The following CECR2 variants were observed in gnomAD, a reference collection of about 807,000 sequenced individuals.
CECR2 encodes the protein chromatin remodeling regulator CECR2.
In CECR2, 30 loss-of-function variants were observed where a neutral mutation model predicts 154.5. That is an observed-to-expected ratio of 0.19 (90% CI 0.15 to 0.26). The LOEUF (loss-of-function observed/expected upper bound fraction) is 0.26. CECR2 is among the 10% of genes least tolerant of loss of function. The probability of loss-of-function intolerance (pLI) is 1.00; values close to 1 mark genes in which losing one functional copy is unlikely to be tolerated. For missense variants in CECR2, 1,743 were observed against 1,829.3 expected (o/e 0.95, Z 0.86); for synonymous variants, 725 against 683.7 (o/e 1.06, Z -0.94).
chr22:17,457,653 A>C (rs1277863211), intron 1 of CECR2, among the ~76,000 whole-genome samples: 1 of 152,214 alleles, frequency 6.6e-6, no homozygotes, highest in Non-Finnish European at 1.5e-5. Flanking sequence ...CATATGACCC[A>C]GCGGTTACAC....
chr22:17,428,886 T>C (rs1401630796), intron 1 of CECR2, among the ~76,000 whole-genome samples: 1 of 151,134 alleles, frequency 6.6e-6, no homozygotes, highest in East Asian at 1.9e-4. Context: ...TGGGGTAATG[T>C]GCTCAAGAGA....
At chr22:17,385,967 C>T (rs1236767313) in intron 1 of CECR2, among the ~76,000 whole-genome samples, 1 of 152,184 alleles carries the variant, frequency 6.6e-6, no homozygotes. Flanking sequence ...ATATTTTTGG[C>T]TGCGAATGAT....
At chr22:17,514,945 C>T (rs1366053723) in intron 8 of CECR2, among the ~76,000 whole-genome samples, 1 of 151,524 alleles carries the variant, frequency 6.6e-6, no homozygotes, top group Non-Finnish European at 1.5e-5. Context: ...ATGGCGTGAA[C>T]CCGGGAGGCA....
At chr22:17,376,029 CTTCTAAAGA>C (rs2063115388) in intron 1 of CECR2, among the ~76,000 whole-genome samples, 1 of 151,972 alleles carries the variant, frequency 6.6e-6, no homozygotes, top group South Asian at 2.1e-4. Flanking sequence ...GATAAAATGC[CTTCTAAAGA>C]TTCAGGATCT....
At chr22:17,507,716 T>C (rs922381636) in intron 7 of CECR2, among the ~76,000 whole-genome samples, 1 of 152,188 alleles carries the variant, frequency 6.6e-6, no homozygotes, top group Admixed American at 6.5e-5. Flanking sequence ...AGGGTAATCT[T>C]TAAATACAAT....
chr22:17,367,090 C>G (rs190992714), upstream of CECR2, among the ~76,000 whole-genome samples: 259 of 152,252 alleles, frequency 1.7e-3, 1 homozygote, highest in Admixed American at 4.8e-3. Context: ...CACCAGGGGG[C>G]GCGTGCCGTT....
At chr22:17,508,510 A>G (rs934245790) in intron 7 of CECR2, among the ~76,000 whole-genome samples, 1 of 152,172 alleles carries the variant, frequency 6.6e-6, no homozygotes, top group African/African-American at 2.4e-5. Context: ...CCTAGGAGCA[A>G]TAGGCTATAT....
chr22:17,493,229 C>G (rs1252047181), intron 2 of CECR2, among the ~76,000 whole-genome samples: 1 of 152,194 alleles, frequency 6.6e-6, no homozygotes, highest in African/African-American at 2.4e-5. Context: ...ATCTCGGCCT[C>G]CCAAAGTGCT....
chr22:17,526,029 T>A (rs1052544633), intron 9 of CECR2, among the ~76,000 whole-genome samples: 1 of 152,172 alleles, frequency 6.6e-6, no homozygotes, highest in Non-Finnish European at 1.5e-5. Flanking sequence ...ACTGGAAAGC[T>A]TTCTACGTTC....
chr22:17,524,321 C>T (rs774841529), intron 9 of CECR2, 50 bp downstream of exon 9: 5 of 1,592,844 alleles, frequency 3.1e-6, no homozygotes, highest in Non-Finnish European at 4.3e-6. Flanking sequence ...TGTCGACCAG[C>T]CGTCCTGTAG....
rs759650831 is a variant in CECR2, at chr22:17,504,897, G to A, written c.751G>A (p.Glu251Lys). 3 of 1,613,868 alleles carry A rather than the reference G, an allele frequency of 1.9e-6. No individual in the cohort carries two copies. The highest frequency in any genetic ancestry group is 2.2e-5 in the South Asian group (2 of 91,068). The change falls in exon 7 of 19, where the codon GAG becomes AAG. Residue 251 changes from glutamate (E) to lysine (K), a missense_variant. Glu to Lys is a moderately conservative substitution (Grantham distance 56). Coordinates refer to ENST00000262608, the MANE Select transcript of CECR2 (RefSeq NM_001290047.2). Reference sequence around the variant, plus strand: ...TTGGTGGCTCCTGTGCCAGACAGAAGAGGAATGGAGACAGGTCACCGAGAG... The same window carrying A: ...TTGGTGGCTCCTGTGCCAGACAGAAAAGGAATGGAGACAGGTCACCGAGAG... ...GTWWLLCQTE[E>K]EWRQVTESFR...
At chr22:17,376,497 A>G (rs1212598519) in intron 1 of CECR2, among the ~76,000 whole-genome samples, 2 of 151,618 alleles carry the variant, frequency 1.3e-5, no homozygotes, top group African/African-American at 4.9e-5. Context: ...GGGCTCGCAC[A>G]ATGCAGTGCG....
chr22:17,435,067 T>C (rs2054482783), intron 1 of CECR2, among the ~76,000 whole-genome samples: 1 of 152,272 alleles, frequency 6.6e-6, no homozygotes, highest in South Asian at 2.1e-4. Context: ...GGAGGATCCA[T>C]GTCCAGTCTA....
intron 16 of CECR2, among the ~76,000 whole-genome samples, chr22:17,547,897 T>C (rs910456740): frequency 3.3e-5 from 5 of 152,148 alleles, no homozygotes; most frequent in African/African-American, 1.2e-4. Context: ...GTTAAGGACA[T>C]TTCCATTCTC....
In CECR2 at chr22:17,552,089, A is replaced by C. The variant is rs750813328; in HGVS notation, c.4336A>C (p.Thr1446Pro). 6.2e-7 allele frequency: 1 copy of C among 1,613,990 alleles called. No homozygotes were observed. The change falls in exon 18 of 19, where the codon ACA (threonine) becomes CCA (proline). Residue 1446 changes from threonine to proline, a missense_variant. This residue lies in a region of CECR2 where 1,250 missense variants were observed against 1,192.1 expected (regional missense o/e 1.05). Coordinates refer to ENST00000262608, the MANE Select transcript of CECR2 (RefSeq NM_001290047.2). Reference protein sequence around the residue: ...ASFPKTPTAATSQEEVPPHKP... With the variant: ...ASFPKTPTAAPSQEEVPPHKP... ...GTTCCCAAAGACCCCCACAGCAGCA[A>C]CATCACAGGAGGAGGTGCCGCCTCA...
chr22:17,410,436 G>A (rs1020743969), intron 1 of CECR2, among the ~76,000 whole-genome samples: 9 of 151,478 alleles, frequency 5.9e-5, no homozygotes, highest in African/African-American at 1.2e-4. Context: ...AAAAACAAGC[G>A]TTTTTTTGTT....
At chr22:17,520,024 C>A (rs2056129587) in intron 8 of CECR2, among the ~76,000 whole-genome samples, 1 of 152,124 alleles carries the variant, frequency 6.6e-6, no homozygotes, top group South Asian at 2.1e-4. Context: ...CTCTTAACCT[C>A]ATGATCCACC....
At position 17,542,343 on chromosome 22, in the gene CECR2, A is replaced by G. The variant is rs1170827944; in HGVS notation, c.2200A>G (p.Ile734Val). The G allele has an allele frequency of 1.9e-6, 3 of 1,613,724 alleles. No individual in the cohort carries two copies. The highest frequency in any genetic ancestry group is 4.5e-5 in the East Asian group (2 of 44,872). Residue 734 changes from isoleucine (I) to valine (V), a missense_variant, in exon 16 of 19, where the codon ATT (isoleucine) becomes GTT (valine). Ile to Val is a conservative substitution (Grantham distance 29, BLOSUM62 3). This residue lies in a region of CECR2 where 1,250 missense variants were observed against 1,192.1 expected (regional missense o/e 1.05). Transcript: ENST00000262608. ...TCCAGCTCAGTTCCAGCCAGGATTCATTCCTCCCCGGCATGGGGGGGCTCC... is the reference window on the plus strand; with the variant it reads ...TCCAGCTCAGTTCCAGCCAGGATTCGTTCCTCCCCGGCATGGGGGGGCTCC... ...YAPAQFQPGF[I>V]PPRHGGAPAR...
At chr22:17,453,096 T>C (rs796324812) in intron 1 of CECR2, among the ~76,000 whole-genome samples, 69 of 152,348 alleles carry the variant, frequency 4.5e-4, no homozygotes, top group African/African-American at 1.6e-3. Flanking sequence ...TGAATGAATA[T>C]ACCATAATTT....
Sources: gnomAD v4.1 joint callset for allele counts (sites outside exome capture counted in the v4.1 genomes callset) on GRCh38, gnomAD v4.1.1 for gene constraint, gnomAD v4.1.1 regional missense constraint, MANE v1.5 for transcripts, NCBI Gene and HGNC (gene_info 2026-07-23, HGNC 2026-07-21) for gene names.